The following DPYD variants were observed in gnomAD, a reference collection of about 807,000 sequenced individuals.
DPYD encodes the protein dihydropyrimidine dehydrogenase [NADP(+)].
In DPYD, 109 loss-of-function variants were observed where a neutral mutation model predicts 116.2. That is an observed-to-expected ratio of 0.94 (90% confidence interval 0.80 to 1.10). DPYD has a LOEUF of 1.10. DPYD is among the 50% of genes least tolerant of loss of function. The pLI is 0.00. For synonymous variants in DPYD, 440 were observed against 432.0 expected, an observed-to-expected ratio of 1.02 and a Z score of -0.23; for missense variants, 1,302 against 1,254.5, an observed-to-expected ratio of 1.04 and a Z score of -0.57.
At chr1:97,422,173 C>T (rs2101701430) in intron 14 of DPYD, among the ~76,000 whole-genome samples, 1 of 152,154 alleles carries the variant, frequency 6.6e-6, no homozygotes, top group South Asian at 2.1e-4. Context: ...GTATTTTTAA[C>T]ATTATTATAT....
At chr1:97,081,864 CGTT>C (rs778406572) in intron 22 of DPYD, among the ~76,000 whole-genome samples, 2 of 151,832 alleles carry the variant, frequency 1.3e-5, no homozygotes, top group Non-Finnish European at 2.9e-5. Context: ...CTATACAACT[CGTT>C]GGTGGGAAAG....
chr1:97,501,730 T>C (rs1248939371), intron 13 of DPYD, among the ~76,000 whole-genome samples: 1 of 151,984 alleles, frequency 6.6e-6, no homozygotes, highest in East Asian at 1.9e-4. Flanking sequence ...TTAATAGCAG[T>C]TGTAGACACA....
At chr1:97,105,836 C>T (rs1557865843) in intron 20 of DPYD, among the ~76,000 whole-genome samples, 1 of 152,038 alleles carries the variant, frequency 6.6e-6, no homozygotes, top group Non-Finnish European at 1.5e-5. Flanking sequence ...TTAAACTATG[C>T]TGAAAAATTC....
intron 20 of DPYD, among the ~76,000 whole-genome samples, chr1:97,117,238 A>G (rs1004601484): frequency 3.3e-5 from 5 of 152,168 alleles, no homozygotes; most frequent in African/African-American, 1.2e-4. Flanking sequence ...AAAGTTTCCA[A>G]AATAAAATCT....
intron 3 of DPYD, among the ~76,000 whole-genome samples, chr1:97,750,532 G>A (rs1014522152): frequency 6.6e-6 from 1 of 152,098 alleles, no homozygotes; most frequent in African/African-American, 2.4e-5. Context: ...TTAAAAACAA[G>A]ACATAGATGT....
chr1:97,719,213 T>C (rs908258164), intron 5 of DPYD, among the ~76,000 whole-genome samples: 3 of 133,836 alleles, frequency 2.2e-5, no homozygotes, highest in African/African-American at 8.3e-5. Flanking sequence ...TGATTCTACA[T>C]AAGGCTATGC....
intron 19 of DPYD, among the ~76,000 whole-genome samples, chr1:97,207,170 G>A (rs1041392166): frequency 2.0e-5 from 3 of 152,060 alleles, no homozygotes; most frequent in Non-Finnish European, 4.4e-5. Flanking sequence ...GTATCAGTCA[G>A]TGACAAACAC....
At chr1:97,883,483 G>C in intron 1 of DPYD, 109 bp from the exon 2 acceptor site, 1 of 863,948 alleles carries the variant, frequency 1.2e-6, no homozygotes, top group Non-Finnish European at 1.8e-6. Flanking sequence ...CTCTCACTTT[G>C]TCACCCAGGC....
chr1:97,214,499 C>T lies in DPYD; in HGVS notation c.2442+20353G>A, dbSNP rs146238936. 1.4e-4 allele frequency among the ~76,000 whole-genome samples: 22 copies of T among 152,246 alleles called. No homozygotes were observed. The East Asian group carries it at 3.1e-3, about 21-fold the overall frequency. On this transcript the variant is annotated intron_variant, in intron 19 of 22. Coordinates refer to ENST00000370192, the MANE Select transcript of DPYD (RefSeq NM_000110.4). ...GTATAACTTTATGAATATTCAACCA[C>T]GTTGGATAATCACAAGTGTAGAAGA...
intron 3 of DPYD, among the ~76,000 whole-genome samples, chr1:97,803,775 A>C (rs1029275444): frequency 6.6e-6 from 1 of 151,886 alleles, no homozygotes; most frequent in African/African-American, 2.4e-5. Context: ...ACTTAGGGTT[A>C]TATTTCATTA....
At chr1:97,466,790 C>A (rs1193924295) in intron 13 of DPYD, among the ~76,000 whole-genome samples, 3 of 152,130 alleles carry the variant, frequency 2.0e-5, no homozygotes, top group Non-Finnish European at 4.4e-5. Flanking sequence ...CTAAACCTAC[C>A]TGCCTAATTT....
chr1:97,748,026 T>C (rs1004107255), intron 3 of DPYD, among the ~76,000 whole-genome samples: 37 of 152,332 alleles, frequency 2.4e-4, no homozygotes, highest in African/African-American at 8.9e-4. Flanking sequence ...TTCTCTTCTT[T>C]AATGTGGAAG....
intron 3 of DPYD, chr1:97,797,753 C>T (rs1057131996): frequency 6.6e-6 from 1 of 151,902 alleles, no homozygotes; most frequent in African/African-American, 2.4e-5. Flanking sequence ...GAGGCCAGCA[C>T]TATTTTGCCA....
intron 3 of DPYD, among the ~76,000 whole-genome samples, chr1:97,799,293 AC>A (rs1366076052): frequency 6.6e-6 from 1 of 151,976 alleles, no homozygotes; most frequent in Admixed American, 6.6e-5. Context: ...AGTAAAAACA[AC>A]AAGTTACCAT....
rs141249285 is a variant in DPYD at position 97,402,183 on chromosome 1, A to T, written c.1906-19722T>A. Among the ~76,000 whole-genome samples the T allele has an allele frequency of 2.0e-3, 308 of 152,224 alleles. 1 individual carries two copies. The highest frequency in any genetic ancestry group is 0.017 in the Middle Eastern group (5 of 294). On this transcript the variant is annotated intron_variant, in intron 14 of 22. Coordinates refer to ENST00000370192, the MANE Select transcript of DPYD (RefSeq NM_000110.4). The stretch of plus-strand genomic sequence containing the variant: ...ACAACTTGCGGGGATTTCTACTGTG[A>T]TTACATTGCATCTATAGATCAAGCT...
chr1:97,433,470 C>T (rs1675293466), intron 14 of DPYD, among the ~76,000 whole-genome samples: 1 of 152,158 alleles, frequency 6.6e-6, no homozygotes, highest in Non-Finnish European at 1.5e-5. Flanking sequence ...TTCTGCTCTC[C>T]TTGTCACTTT....
intron 20 of DPYD, among the ~76,000 whole-genome samples, chr1:97,135,636 A>C (rs1407443910): frequency 1.3e-5 from 2 of 152,140 alleles, no homozygotes; most frequent in Non-Finnish European, 2.9e-5. Flanking sequence ...TCCTCATTTG[A>C]CCCTTACTAA....
chr1:97,515,931 C>A lies in DPYD; in HGVS notation c.1535G>T (p.Gly512Val). 1.2e-6 allele frequency: 2 copies of A among 1,612,200 alleles called. No homozygotes were observed. The highest frequency in any genetic ancestry group is 1.7e-6 in the Non-Finnish European group (2 of 1,178,876). ...TTCAGGCTTGGCAGAAACGGAAGCT[C>A]CATATTGTGACTGCAAAATACAAAC... ...YIHKYVQSQY[G>V]ASVSAKPELP... is the part of the protein sequence containing the mutation. Residue 512 changes from glycine to valine, a missense_variant, in exon 13 of 23, where the codon GGA becomes GTA. Coordinates refer to ENST00000370192, the MANE Select transcript of DPYD (RefSeq NM_000110.4).
chr1:97,886,497 A>T (rs4970722), intron 1 of DPYD, among the ~76,000 whole-genome samples: 115,936 of 151,926 alleles, frequency 0.76, 44,414 homozygotes, highest in East Asian at 0.93. Context: ...CTGGGTAGAG[A>T]TTGCACACAA....
Sources: gnomAD v4.1 joint callset for allele counts (sites outside exome capture counted in the v4.1 genomes callset) on GRCh38, gnomAD v4.1.1 for gene constraint, MANE v1.5 for transcripts, NCBI Gene and HGNC (gene_info 2026-07-23, HGNC 2026-07-21) for gene names.